The following METTL8 variants were observed in gnomAD, a reference collection of about 807,000 sequenced individuals.
METTL8 encodes the protein tRNA N(3)-cytidine methyltransferase METTL8, mitochondrial.
METTL8 carries 32 observed loss-of-function variants against 48.7 expected under a neutral mutation model. That is an observed-to-expected ratio of 0.66 (90% CI 0.50 to 0.88). The LOEUF is 0.88. METTL8 is among the 40% of genes least tolerant of loss of function. The probability of loss-of-function intolerance (pLI) is 0.00; values close to 1 mark genes in which losing one functional copy is unlikely to be tolerated. For synonymous variants in METTL8, 136 were observed against 157.1 expected (o/e 0.87, Z 1.01); for missense variants, 464 against 474.4 (o/e 0.98, Z 0.20).
chr2:171,329,376 T>C (rs1462855343), intron 7 of METTL8, among the ~76,000 whole-genome samples: 1 of 152,254 alleles, frequency 6.6e-6, no homozygotes, highest in Non-Finnish European at 1.5e-5. Flanking sequence ...TGGTTATATG[T>C]AGAATTTAGA....
At chr2:171,402,987 A>G (rs2105597725) in intron 1 of METTL8, among the ~76,000 whole-genome samples, 1 of 152,300 alleles carries the variant, frequency 6.6e-6, no homozygotes, top group Admixed American at 6.5e-5. Context: ...GTATAAAATA[A>G]ATATCCATGT....
intron 2 of METTL8, among the ~76,000 whole-genome samples, chr2:171,377,682 T>C (rs1574048528): frequency 1.3e-5 from 2 of 152,060 alleles, no homozygotes; most frequent in East Asian, 1.9e-4. Flanking sequence ...AAAACCACAA[T>C]GAGATACCAC....
chr2:171,395,935 G>C (rs984115952), intron 1 of METTL8, among the ~76,000 whole-genome samples: 2 of 152,122 alleles, frequency 1.3e-5, no homozygotes, highest in Non-Finnish European at 1.5e-5. Flanking sequence ...CATTCACCAA[G>C]GTAGACCATA....
chr2:171,423,590 G>A (rs753475714), intron 1 of METTL8, among the ~76,000 whole-genome samples: 16 of 152,176 alleles, frequency 1.1e-4, no homozygotes, highest in Non-Finnish European at 1.9e-4. Flanking sequence ...GTTGGGAACT[G>A]GACTAAAAGT....
intron 3 of METTL8, among the ~76,000 whole-genome samples, chr2:171,340,804 T>G (rs186916509): frequency 1.3e-5 from 2 of 152,288 alleles, no homozygotes; most frequent in African/African-American, 4.8e-5. Flanking sequence ...TCCATGGCCA[T>G]GTCTCCTGAC....
Position 171,330,604 on chromosome 2 carries a change from T to C in METTL8, c.815A>G (p.Asp272Gly), listed in dbSNP as rs569087789. 6.2e-7 allele frequency: 1 copy of C among 1,613,940 alleles called. No individual in the cohort carries two copies. The highest frequency in any genetic ancestry group is 1.7e-5 in the Admixed American group (1 of 59,998). Residue 272 changes from aspartate to glycine, a missense_variant, in exon 7 of 10, where the codon GAT becomes GGT. Asp to Gly is a moderately conservative substitution (Grantham distance 94). Transcript: ENST00000375258. ...GAGCACAAAGACAAGGAGAATGACATCCAGGATCCCATCTGGAAAAGGGTA... is the reference window on the plus strand; with the variant it reads ...GAGCACAAAGACAAGGAGAATGACACCCAGGATCCCATCTGGAAAAGGGTA... ...LPYPFPDGIL[D>G]VILLVFVLSS...
intron 2 of METTL8, among the ~76,000 whole-genome samples, chr2:171,368,503 A>G (rs1412351323): frequency 6.6e-6 from 1 of 151,942 alleles, no homozygotes; most frequent in Non-Finnish European, 1.5e-5. Context: ...AGACTTCTGG[A>G]AAGCTTGTGT....
intron 5 of METTL8, among the ~76,000 whole-genome samples, chr2:171,336,396 CTTTTTTTTTTTTTTT>C (rs146097512): frequency 1.2e-5 from 1 of 80,782 alleles, no homozygotes; most frequent in Non-Finnish European, 2.3e-5. Flanking sequence ...CGCCCGACTG[CTTTTTTTTTTTTTTT>C]TTTTTTTTTA....
At chr2:171,386,499 C>T (rs1022318741) in intron 2 of METTL8, among the ~76,000 whole-genome samples, 1 of 152,208 alleles carries the variant, frequency 6.6e-6, no homozygotes, top group Non-Finnish European at 1.5e-5. Flanking sequence ...CACAGTGGCT[C>T]ACGCCTGTAA....
chr2:171,342,268 A>G (rs566120106), intron 3 of METTL8, among the ~76,000 whole-genome samples: 4 of 152,366 alleles, frequency 2.6e-5, no homozygotes, highest in African/African-American at 9.6e-5. Context: ...CAGGAATGCT[A>G]TAAAGACTGA....
intron 6 of METTL8, among the ~76,000 whole-genome samples, chr2:171,331,270 C>T (rs1343944273): frequency 6.6e-6 from 1 of 151,994 alleles, no homozygotes; most frequent in African/African-American, 2.4e-5. Context: ...ACCACCATGC[C>T]CAGCTAATTT....
At chr2:171,414,980 CTT>C (rs1691153576) in intron 1 of METTL8, among the ~76,000 whole-genome samples, 1 of 152,144 alleles carries the variant, frequency 6.6e-6, no homozygotes, top group South Asian at 2.1e-4. Flanking sequence ...CATTCTCTCT[CTT>C]GCCTGCTGCC....
intron 5 of METTL8, among the ~76,000 whole-genome samples, chr2:171,335,869 C>T (rs1410885651): frequency 6.6e-6 from 1 of 152,058 alleles, no homozygotes; most frequent in African/African-American, 2.4e-5. Flanking sequence ...TCCTTTTCCT[C>T]TAATGGAAAT....
Position 171,330,663 on chromosome 2 carries a change from G to C in METTL8, c.756C>G (p.Ala252=), listed in dbSNP as rs1685429362. ...CATCATCACATACATCATGAACAAA[G>C]GCAAAACACTGGGTTGCTCTGTAGG... ...HSSYRATQCF[A]FVHDVCDDGL... The change falls in exon 7 of 10, where the codon GCC becomes GCG. Residue 252 remains alanine (A), a synonymous_variant. Coordinates refer to ENST00000375258, the MANE Select transcript of METTL8 (RefSeq NM_001321154.2). The C allele has an allele frequency of 6.2e-7, 1 of 1,613,276 alleles. No homozygotes were observed. The highest frequency in any genetic ancestry group is 1.3e-5 in the African/African-American group (1 of 74,814).
intron 3 of METTL8, among the ~76,000 whole-genome samples, chr2:171,350,218 T>G (rs1559087567): frequency 1.3e-5 from 2 of 152,234 alleles, no homozygotes; most frequent in Non-Finnish European, 2.9e-5. Context: ...TGGTGTTTGC[T>G]TTTCTGTCCT....
intron 3 of METTL8, among the ~76,000 whole-genome samples, chr2:171,353,543 G>A (rs928518802): frequency 6.6e-6 from 1 of 152,168 alleles, no homozygotes; most frequent in African/African-American, 2.4e-5. Flanking sequence ...CTGTCTCATT[G>A]ATCTGTCTAA....
At position 171,322,174 on chromosome 2, in the gene METTL8, C is replaced by G. The variant is rs1684555453; in HGVS notation, c.*1998G>C. 6.6e-6 allele frequency: 1 copy of G among 151,884 alleles called. No individual in the cohort carries two copies. The highest frequency in any genetic ancestry group is 1.5e-5 in the Non-Finnish European group (1 of 68,002). 9.4% of individuals were successfully genotyped at this position (151,884 alleles called of 1,614,324 possible). ...AGAGACAGGGTTTCACAGTGTTGGT[C>G]AGGCTGGTCTTGAACTCCTGACCTC... On this transcript the variant is annotated 3_prime_UTR_variant, in exon 10 of 10. Transcript: ENST00000375258.
chr2:171,337,838 A>C (rs185214937), intron 4 of METTL8, among the ~76,000 whole-genome samples: 1 of 152,214 alleles, frequency 6.6e-6, no homozygotes, highest in Non-Finnish European at 1.5e-5. Flanking sequence ...AAATGGACAG[A>C]ACAAAAAAGA....
At chr2:171,420,548 T>C (rs1269059412) in intron 1 of METTL8, among the ~76,000 whole-genome samples, 3 of 152,204 alleles carry the variant, frequency 2.0e-5, no homozygotes, top group African/African-American at 7.2e-5. Flanking sequence ...TGGATTAATA[T>C]GTTTTAAAAA....
Sources: allele counts gnomAD v4.1 joint callset (sites outside exome capture counted in the v4.1 genomes callset), GRCh38; gene constraint gnomAD v4.1.1; transcripts MANE v1.5; gene names NCBI Gene and HGNC (gene_info 2026-07-23, HGNC 2026-07-21).